Variants in MYPN observed in about 807,000 individuals in gnomAD.
MYPN encodes the protein myopalladin, also known as sarcomeric protein myopalladin, 145 kDa (MYOP).
A neutral mutation model predicts 129.4 loss-of-function variants in MYPN; 63 were observed. That is an observed-to-expected ratio of 0.49 (90% CI 0.40 to 0.60). The LOEUF is 0.60. MYPN is among the 20% of genes least tolerant of loss of function. The pLI is 0.00. For synonymous variants in MYPN, 629 were observed against 600.9 expected, an observed-to-expected ratio of 1.05 and a Z score of -0.68; for missense variants, 1,596 against 1,635.4, an observed-to-expected ratio of 0.98 and a Z score of 0.42.
intron 16 of MYPN, 96 bp from the exon 17 acceptor site, chr10:68,199,272 C>A: frequency 8.2e-7 from 1 of 1,213,358 alleles, no homozygotes; most frequent in Non-Finnish European, 1.2e-6. Context: ...TTTTCTCTCA[C>A]TGTCTGTTTG....
At chr10:68,179,266 C>A (rs1215823457) in intron 12 of MYPN, among the ~76,000 whole-genome samples, 4 of 152,096 alleles carry the variant, frequency 2.6e-5, no homozygotes, top group African/African-American at 9.7e-5. Context: ...TTTGTAAGGC[C>A]ACTGGCTTTA....
chr10:68,187,329 C>G (rs904646561), intron 12 of MYPN, among the ~76,000 whole-genome samples: 1 of 151,648 alleles, frequency 6.6e-6, no homozygotes, highest in African/African-American at 2.4e-5. Flanking sequence ...AAATAGTAAC[C>G]ATTCAGAAAA....
At chr10:68,163,773 T>G (rs1356804223) in intron 8 of MYPN, among the ~76,000 whole-genome samples, 2 of 152,226 alleles carry the variant, frequency 1.3e-5, no homozygotes, top group African/African-American at 4.8e-5. Flanking sequence ...CAGGATCTAG[T>G]GCTACGTGAC....
intron 1 of MYPN, among the ~76,000 whole-genome samples, chr10:68,094,055 G>T (rs2041943798): frequency 6.6e-6 from 1 of 152,116 alleles, no homozygotes; most frequent in South Asian, 2.1e-4. Context: ...ATAATGAGAA[G>T]TGAGGACAAC....
chr10:68,187,244 C>T (rs1266070299), intron 12 of MYPN, among the ~76,000 whole-genome samples: 2 of 149,928 alleles, frequency 1.3e-5, no homozygotes, highest in African/African-American at 2.5e-5. Flanking sequence ...TGGCAGAGGG[C>T]GCCTGTAATC....
intron 10 of MYPN, 120 bp from the exon 11 acceptor site, chr10:68,173,946 C>T (rs1363560719): frequency 5.9e-6 from 5 of 849,564 alleles, no homozygotes; most frequent in African/African-American, 5.0e-5. Flanking sequence ...GGATTACAGG[C>T]ATGAGCCACC....
intron 1 of MYPN, among the ~76,000 whole-genome samples, chr10:68,099,645 A>G (rs2041972868): frequency 6.6e-6 from 1 of 152,058 alleles, no homozygotes; most frequent in Non-Finnish European, 1.5e-5. Context: ...GTCTCAAAAA[A>G]AAAAAAGTAA....
intron 18 of MYPN, among the ~76,000 whole-genome samples, chr10:68,203,628 T>C (rs1451712537): frequency 6.6e-6 from 1 of 151,552 alleles, no homozygotes; most frequent in South Asian, 2.1e-4. Flanking sequence ...TTTAAACTCA[T>C]AGTGATTAGC....
At chr10:68,131,286 G>A (rs564069511) in intron 2 of MYPN, among the ~76,000 whole-genome samples, 1 of 151,888 alleles carries the variant, frequency 6.6e-6, no homozygotes, top group Non-Finnish European at 1.5e-5. Context: ...TTACTTGGGA[G>A]GCTGAGGCAG....
In MYPN at chr10:68,174,340, A is replaced by C; in HGVS notation, c.2248A>C (p.Thr750Pro). 6.2e-7 allele frequency: 1 copy of C among 1,613,858 alleles called. No homozygotes were observed. Among genetic ancestry groups the C allele is most frequent in the Non-Finnish European group, 8.5e-7 (1 of 1,179,990 alleles). The change falls in exon 11 of 20, where the codon ACT becomes CCT. Residue 750 changes from threonine (T) to proline (P), a missense_variant. Transcript: ENST00000358913. ...SSSPVFTLSS[T>P]PQTIQRTVSK... Reference sequence around the variant, plus strand: ...CTCTCCGGTGTTCACTTTGAGCAGCACTCCTCAAACTATTCAGAGGACAGT... The same window carrying C: ...CTCTCCGGTGTTCACTTTGAGCAGCCCTCCTCAAACTATTCAGAGGACAGT...
intron 1 of MYPN, among the ~76,000 whole-genome samples, chr10:68,111,933 G>A (rs1206202407): frequency 7.9e-5 from 12 of 152,184 alleles, no homozygotes; most frequent in Admixed American, 7.9e-4. Context: ...AATTAGGGAA[G>A]TTAGCTTTTT....
intron 6 of MYPN, among the ~76,000 whole-genome samples, chr10:68,153,735 G>A (rs1343719245): frequency 2.6e-5 from 4 of 152,196 alleles, no homozygotes; most frequent in Admixed American, 6.5e-5. Context: ...AAATTTCTGA[G>A]TCAGAGCCAC....
intron 12 of MYPN, among the ~76,000 whole-genome samples, chr10:68,177,548 T>C (rs538857463): frequency 4.6e-5 from 7 of 152,342 alleles, no homozygotes; most frequent in South Asian, 4.1e-4. Flanking sequence ...TATTATAATA[T>C]TGTTTTATCC....
At chr10:68,148,222 TA>T in intron 4 of MYPN, 130 bp from the exon 5 acceptor site, 2 of 796,262 alleles carry the variant, frequency 2.5e-6, no homozygotes, top group East Asian at 2.7e-5. Flanking sequence ...TCAACGTTTG[TA>T]AAATATCATC....
In MYPN at chr10:68,207,024, G is replaced by T. The variant is rs1016367378; in HGVS notation, c.3793+121G>T. On this transcript the variant is annotated intron_variant, in intron 19 of 19. Coordinates refer to ENST00000358913, the MANE Select transcript of MYPN (RefSeq NM_032578.4). ...TGTAATCCCAGCACTTTGGGAGGCC[G>T]AGGCAGGCAGATCACCTGAGGTCAG... 266 of 1,216,366 alleles carry T rather than the reference G, an allele frequency of 2.2e-4. 1 individual carries two copies. In the African/African-American group the frequency reaches 3.6e-3, roughly 17 times the overall value. 75.3% of individuals were successfully genotyped at this position (1,216,366 alleles called of 1,614,324 possible). A position where few individuals can be genotyped will look rare whatever the true frequency, so the allele number is the denominator to read the frequency against.
chr10:68,198,216 A>G (rs2043643729), intron 16 of MYPN, among the ~76,000 whole-genome samples: 1 of 152,188 alleles, frequency 6.6e-6, no homozygotes, highest in Admixed American at 6.5e-5. Context: ...ATAAAGCCAT[A>G]TGGTGTGATT....
intron 1 of MYPN, among the ~76,000 whole-genome samples, chr10:68,114,713 G>T (rs536280571): frequency 1.1e-4 from 17 of 151,930 alleles, no homozygotes; most frequent in Non-Finnish European, 2.1e-4. Flanking sequence ...AAAAGTCCTA[G>T]GGAAAAAAAT....
intron 14 of MYPN, 48 bp from the exon 15 acceptor site, chr10:68,195,402 A>G (rs1038957345): frequency 6.3e-7 from 1 of 1,582,134 alleles, no homozygotes. Context: ...AAATTGAAAA[A>G]ATGTGAGATT....
intron 8 of MYPN, among the ~76,000 whole-genome samples, chr10:68,162,929 G>A (rs1006383561): frequency 6.6e-6 from 1 of 152,194 alleles, no homozygotes; most frequent in Non-Finnish European, 1.5e-5. Flanking sequence ...TTCTCATGCT[G>A]ATCTCGATCC....
Sources: gnomAD v4.1 joint callset for allele counts (sites outside exome capture counted in the v4.1 genomes callset) on GRCh38, gnomAD v4.1.1 for gene constraint, MANE v1.5 for transcripts, NCBI Gene and HGNC (gene_info 2026-07-23, HGNC 2026-07-21) for gene names.